Variants in PCLO observed in about 807,000 individuals in gnomAD.
The protein encoded by PCLO is piccolo presynaptic cytomatrix protein.
Under a neutral mutation model 427.5 loss-of-function variants are expected in PCLO, and 82 were observed. The ratio of observed to expected loss-of-function variants is 0.19; its 90% confidence interval spans 0.16 to 0.23. The LOEUF is 0.23. Among genes scored for constraint, PCLO ranks in the 10% least tolerant of loss-of-function variants. The probability of loss-of-function intolerance (pLI) is 1.00; values close to 1 mark genes in which losing one functional copy is unlikely to be tolerated. For missense variants in PCLO, 6,239 were observed against 6,115.9 expected (o/e 1.02, Z -0.67); for synonymous variants, 2,357 against 2,155.4 (o/e 1.09, Z -2.59).
Position 83,155,937 on chromosome 7 carries a change from G to C in PCLO, c.704C>G (p.Thr235Ser), listed in dbSNP as rs1027224532. 1.2e-6 allele frequency: 2 copies of C among 1,613,874 alleles called. No homozygotes were observed. Among genetic ancestry groups the C allele is most frequent in the Non-Finnish European group, 1.7e-6 (2 of 1,179,852 alleles). Residue 235 changes from threonine (T) to serine (S), a missense_variant, in exon 2 of 25, where the codon ACT becomes AGT. By Grantham distance (58) the Thr-to-Ser change is moderately conservative. This residue lies in a region of PCLO where 4,677 missense variants were observed against 4,468.4 expected (regional missense o/e 1.05). Transcript: ENST00000333891. ...PGRDPLQQDG[T>S]PKSISSQQPE... The stretch of plus-strand genomic sequence containing the variant: ...TTGTTGAGAAGATATTGATTTGGGA[G>C]TGCCATCCTGCTGAAGCGGATCCCT...
chr7:83,013,978 A>G (rs1432768801), intron 3 of PCLO, among the ~76,000 whole-genome samples: 2 of 152,158 alleles, frequency 1.3e-5, no homozygotes, highest in Non-Finnish European at 2.9e-5. Context: ...ATCTTGGTGT[A>G]CCATTTTATA....
At chr7:83,105,881 T>C (rs2116503270) in intron 3 of PCLO, among the ~76,000 whole-genome samples, 1 of 152,320 alleles carries the variant, frequency 6.6e-6, no homozygotes, top group Non-Finnish European at 1.5e-5. Context: ...ATTTCAAAGC[T>C]AAACTAGTAG....
intron 20 of PCLO, among the ~76,000 whole-genome samples, chr7:82,816,848 C>A (rs1791688863): frequency 6.6e-6 from 1 of 152,064 alleles, no homozygotes; most frequent in African/African-American, 2.4e-5. Context: ...TGGAAAAGAA[C>A]AGAAGTACCC....
At chr7:83,108,469 C>T (rs1231531763) in intron 3 of PCLO, among the ~76,000 whole-genome samples, 1 of 151,882 alleles carries the variant, frequency 6.6e-6, no homozygotes, top group African/African-American at 2.4e-5. Context: ...GTTCAATTTC[C>T]CACTGTATGT....
At chr7:83,098,961 A>G (rs997357838) in intron 3 of PCLO, among the ~76,000 whole-genome samples, 2 of 152,116 alleles carry the variant, frequency 1.3e-5, no homozygotes, top group Non-Finnish European at 2.9e-5. Context: ...AGGATTTACA[A>G]CAGCAAGAGG....
At chr7:83,111,225 C>A (rs1201642400) in intron 3 of PCLO, among the ~76,000 whole-genome samples, 1 of 152,194 alleles carries the variant, frequency 6.6e-6, no homozygotes, top group Non-Finnish European at 1.5e-5. Context: ...CTGTAGCAGG[C>A]AGAATTCTAA....
intron 22 of PCLO, among the ~76,000 whole-genome samples, chr7:82,769,279 C>T (rs538712859): frequency 7.9e-5 from 12 of 152,164 alleles, no homozygotes; most frequent in East Asian, 1.9e-4. Flanking sequence ...GTTTAAACAA[C>T]GGAAGATGTC....
At chr7:83,110,413 C>A (rs1790973618) in intron 3 of PCLO, among the ~76,000 whole-genome samples, 1 of 151,944 alleles carries the variant, frequency 6.6e-6, no homozygotes, top group South Asian at 2.1e-4. Context: ...AAATATGTCT[C>A]TTTTCTTGTT....
Position 82,799,566 on chromosome 7 carries a change from T to C in PCLO, c.15007+1952A>G, listed in dbSNP as rs1791298608. ...GGCCCTATACTTATATGCTCTCAGA[T>C]GCATTCTTCGGTCTCTTCCTTCCTT... is the stretch of plus-strand genomic sequence containing the variant. On this transcript the variant is annotated intron_variant, in intron 22 of 24. Transcript: ENST00000333891. 2.6e-5 allele frequency among the ~76,000 whole-genome samples: 4 copies of C among 152,278 alleles called. No individual in the cohort carries two copies. In the South Asian group the frequency reaches 8.3e-4, roughly 32 times the overall value.
intron 3 of PCLO, among the ~76,000 whole-genome samples, chr7:83,008,926 G>T (rs947260849): frequency 1.3e-5 from 2 of 151,090 alleles, no homozygotes; most frequent in African/African-American, 4.9e-5. Flanking sequence ...CTAAAGCGAT[G>T]GAAAAAAGAT....
intron 3 of PCLO, among the ~76,000 whole-genome samples, chr7:83,064,636 C>T (rs1789620890): frequency 6.6e-6 from 1 of 151,916 alleles, no homozygotes; most frequent in African/African-American, 2.4e-5. Flanking sequence ...CATAAAACTG[C>T]CAATATTCCA....
At chr7:82,762,584 A>T (rs536631132) in intron 22 of PCLO, among the ~76,000 whole-genome samples, 1 of 152,168 alleles carries the variant, frequency 6.6e-6, no homozygotes, top group Non-Finnish European at 1.5e-5. Flanking sequence ...TTAGAAATAT[A>T]AAATTTCTAA....
intron 3 of PCLO, among the ~76,000 whole-genome samples, chr7:83,007,991 T>C (rs1283961661): frequency 6.6e-6 from 1 of 151,658 alleles, no homozygotes; most frequent in African/African-American, 2.4e-5. Context: ...ATAAAAACTG[T>C]AATTATTACT....
Position 82,801,688 on chromosome 7 carries a change from G to A in PCLO, c.14934-97C>T. The A allele has an allele frequency of 5.9e-6, 4 of 682,952 alleles. No individual in the cohort carries two copies. The South Asian group carries it at 7.3e-5, about 13-fold the overall frequency. 42.3% of individuals were successfully genotyped at this position (682,952 alleles called of 1,614,324 possible). A position where few individuals can be genotyped will look rare whatever the true frequency, so the allele number is the denominator to read the frequency against. On this transcript the variant is annotated intron_variant, in intron 21 of 24. Transcript: ENST00000333891. ...AAATAAAATGACATTGATAGTAATG[G>A]CAAAACCTGCAATTACTTTTGCACA...
intron 16 of PCLO, among the ~76,000 whole-genome samples, chr7:82,830,087 T>C (rs1792055563): frequency 6.6e-6 from 1 of 151,902 alleles, no homozygotes; most frequent in African/African-American, 2.4e-5. Flanking sequence ...AAATTATGAA[T>C]ATTAAATTCA....
intron 22 of PCLO, among the ~76,000 whole-genome samples, chr7:82,799,053 A>G (rs913349674): frequency 1.3e-5 from 2 of 152,222 alleles, no homozygotes; most frequent in African/African-American, 4.8e-5. Flanking sequence ...GAAAGAAGAA[A>G]GCAGTATTAG....
At chr7:83,032,610 T>C (rs1265608307) in intron 3 of PCLO, among the ~76,000 whole-genome samples, 3 of 152,114 alleles carry the variant, frequency 2.0e-5, no homozygotes, top group Non-Finnish European at 4.4e-5. Flanking sequence ...GATAGAATGT[T>C]TTTATTTGAT....
At chr7:82,827,496 T>C (rs1584018805) in intron 17 of PCLO, among the ~76,000 whole-genome samples, 1 of 152,038 alleles carries the variant, frequency 6.6e-6, no homozygotes, top group East Asian at 1.9e-4. Flanking sequence ...ATGCACTGAA[T>C]CTTATTTTTT....
chr7:82,818,941 C>CTT (rs979718158), intron 20 of PCLO, among the ~76,000 whole-genome samples: 1 of 152,158 alleles, frequency 6.6e-6, no homozygotes, highest in African/African-American at 2.4e-5. Context: ...TATCTCAACA[C>CTT]TTATGATTAT....
Sources: gnomAD v4.1 joint callset for allele counts (sites outside exome capture counted in the v4.1 genomes callset) on GRCh38, gnomAD v4.1.1 for gene constraint, gnomAD v4.1.1 regional missense constraint, MANE v1.5 for transcripts, NCBI Gene and HGNC (gene_info 2026-07-23, HGNC 2026-07-21) for gene names.